The following GRIN2B variants were observed in gnomAD, a reference collection of about 807,000 sequenced individuals.
GRIN2B encodes glutamate receptor ionotropic, NMDA 2B.
Under a neutral mutation model 114.5 loss-of-function variants are expected in GRIN2B, and 5 were observed. The ratio of observed to expected loss-of-function variants is 0.04; its 90% CI spans 0.02 to 0.09. The LOEUF is 0.09. GRIN2B is among the 10% of genes least tolerant of loss of function. GRIN2B has a pLI of 1.00. For synonymous variants in GRIN2B, 787 were observed against 745.1 expected, an observed-to-expected ratio of 1.06 and a Z score of -0.92; for missense variants, 1,108 against 1,943.5, an observed-to-expected ratio of 0.57 and a Z score of 8.08.
chr12:13,667,414 C>T (rs2136533086), intron 5 of GRIN2B, among the ~76,000 whole-genome samples: 1 of 152,196 alleles, frequency 6.6e-6, no homozygotes, highest in African/African-American at 2.4e-5. Context: ...TAAGGGTTTT[C>T]ATTTTTAACA....
chr12:13,583,166 A>G (rs1948874879), intron 10 of GRIN2B, among the ~76,000 whole-genome samples: 1 of 152,232 alleles, frequency 6.6e-6, no homozygotes, highest in Admixed American at 6.5e-5. Flanking sequence ...CATAAACCAC[A>G]TATAAGCCAC....
intron 4 of GRIN2B, among the ~76,000 whole-genome samples, chr12:13,686,658 A>G (rs1251088845): frequency 1.3e-5 from 2 of 152,160 alleles, no homozygotes; most frequent in African/African-American, 4.8e-5. Flanking sequence ...TTAAAAAAGT[A>G]ATTGGCGCCT....
At chr12:13,692,959 G>A (rs976294077) in intron 4 of GRIN2B, among the ~76,000 whole-genome samples, 4 of 151,204 alleles carry the variant, frequency 2.6e-5, no homozygotes. Context: ...GTAGAGATGG[G>A]GTTGCTCCAT....
intron 2 of GRIN2B, among the ~76,000 whole-genome samples, chr12:13,955,916 G>C (rs1380263223): frequency 6.6e-6 from 1 of 152,142 alleles, no homozygotes; most frequent in African/African-American, 2.4e-5. Flanking sequence ...GGCACCAGAC[G>C]CGTATATTAA....
intron 4 of GRIN2B, among the ~76,000 whole-genome samples, chr12:13,686,498 T>C (rs1177338337): frequency 6.6e-6 from 1 of 152,144 alleles, no homozygotes; most frequent in Non-Finnish European, 1.5e-5. Context: ...TGTAGGTTGA[T>C]GTTTCCATGG....
At chr12:13,767,851 C>T (rs191124183) in intron 3 of GRIN2B, among the ~76,000 whole-genome samples, 1 of 152,244 alleles carries the variant, frequency 6.6e-6, no homozygotes, top group East Asian at 1.9e-4. Flanking sequence ...CAAGAAACTC[C>T]ATAGTATTAG....
chr12:13,745,196 C>G (rs985931109), intron 4 of GRIN2B, among the ~76,000 whole-genome samples: 1 of 152,172 alleles, frequency 6.6e-6, no homozygotes, highest in Non-Finnish European at 1.5e-5. Flanking sequence ...CCAGCCCTCA[C>G]TCAGGCTTCC....
chr12:13,965,535 A>G (rs1290258654), intron 2 of GRIN2B, among the ~76,000 whole-genome samples: 1 of 146,856 alleles, frequency 6.8e-6, no homozygotes, highest in Non-Finnish European at 1.5e-5. Flanking sequence ...TCCCTAACTC[A>G]TGCTAGAATC....
chr12:13,784,080 C>T (rs749672750), intron 3 of GRIN2B, among the ~76,000 whole-genome samples: 4 of 151,696 alleles, frequency 2.6e-5, no homozygotes, highest in African/African-American at 7.3e-5. Context: ...AAAAATTAGC[C>T]GGGCATGGTG....
At chr12:13,969,094 G>C (rs1867836298) in intron 2 of GRIN2B, among the ~76,000 whole-genome samples, 4 of 152,202 alleles carry the variant, frequency 2.6e-5, no homozygotes, top group Non-Finnish European at 5.9e-5. Flanking sequence ...TGAATGAGAT[G>C]CTTATGGCCA....
intron 5 of GRIN2B, among the ~76,000 whole-genome samples, chr12:13,664,123 CTG>C (rs888306596): frequency 1.6e-4 from 24 of 152,212 alleles, no homozygotes; most frequent in Non-Finnish European, 3.4e-4. Context: ...GGTTTTTGAA[CTG>C]TGTGTCAAAA....
chr12:13,739,078 G>A (rs140985286), intron 4 of GRIN2B, among the ~76,000 whole-genome samples: 111 of 152,118 alleles, frequency 7.3e-4, no homozygotes, highest in African/African-American at 2.6e-3. Flanking sequence ...GAAGACTCTT[G>A]TATCTGAAAA....
chr12:13,860,111 T>G (rs1865729147), intron 3 of GRIN2B, among the ~76,000 whole-genome samples: 2 of 152,134 alleles, frequency 1.3e-5, no homozygotes, highest in African/African-American at 2.4e-5. Context: ...AATAGTCTAC[T>G]CCCAGTGTCA....
chr12:13,773,367 A>G (rs1863942331), intron 3 of GRIN2B, among the ~76,000 whole-genome samples: 1 of 152,222 alleles, frequency 6.6e-6, no homozygotes, highest in Admixed American at 6.5e-5. Flanking sequence ...AGATCTGTAC[A>G]TGCAGAGCTA....
At position 13,894,103 on chromosome 12, in the gene GRIN2B, A is replaced by ACT. The variant is rs1442576618; in HGVS notation, c.-18-27879_-18-27878dup. On this transcript the variant is annotated intron_variant, in intron 2 of 13. Coordinates refer to ENST00000609686, the MANE Select transcript of GRIN2B (RefSeq NM_000834.5). ...GGCCAAGGACATGGTGAAACACAGCACTCTCACATATTACTACAGTGAATA... is the reference window on the plus strand; with the variant it reads ...GGCCAAGGACATGGTGAAACACAGCACTCTCTCACATATTACTACAGTGAATA... 3.3e-5 allele frequency among the ~76,000 whole-genome samples: 5 copies of ACT among 152,232 alleles called. No individual in the cohort carries two copies. The East Asian group carries it at 9.6e-4, about 29-fold the overall frequency.
At chr12:13,695,795 A>T (rs2216131) in intron 4 of GRIN2B, among the ~76,000 whole-genome samples, 3,660 of 152,260 alleles carry the variant, frequency 0.024, 141 homozygotes, top group African/African-American at 0.083. Flanking sequence ...AGTGGTTGGC[A>T]TAAAGACAAG....
intron 5 of GRIN2B, among the ~76,000 whole-genome samples, chr12:13,618,488 C>G (rs954492005): frequency 6.6e-6 from 1 of 152,082 alleles, no homozygotes; most frequent in Non-Finnish European, 1.5e-5. Flanking sequence ...ACTAGCCTGG[C>G]CTATTATAGC....
intron 2 of GRIN2B, among the ~76,000 whole-genome samples, chr12:13,931,039 C>T (rs1259410309): frequency 2.0e-5 from 3 of 152,148 alleles, no homozygotes; most frequent in African/African-American, 4.8e-5. Flanking sequence ...GTATGTTCTA[C>T]GTGGGACAGA....
At chr12:13,735,283 T>C (rs1202009268) in intron 4 of GRIN2B, among the ~76,000 whole-genome samples, 4 of 152,348 alleles carry the variant, frequency 2.6e-5, no homozygotes, top group South Asian at 2.1e-4. Context: ...TCAATGATAA[T>C]GTTTCCATCT....
Sources: gnomAD v4.1 joint callset for allele counts (sites outside exome capture counted in the v4.1 genomes callset) on GRCh38, gnomAD v4.1.1 for gene constraint, MANE v1.5 for transcripts, NCBI Gene and HGNC (gene_info 2026-07-23, HGNC 2026-07-21) for gene names.